The following NSF variants were observed in gnomAD, a reference collection of about 807,000 sequenced individuals.
NSF encodes the protein N-ethylmaleimide sensitive factor, vesicle fusing ATPase, also known as vesicle-fusing ATPase.
In NSF, 14 loss-of-function variants were observed where a neutral mutation model predicts 50.3. The observed-to-expected ratio is 0.28, with a 90% CI of 0.18 to 0.44. The LOEUF is 0.44. NSF is among the 20% of genes least tolerant of loss of function. NSF has a pLI of 1.00. For synonymous variants in NSF, 109 were observed against 175.7 expected (o/e 0.62, Z 3.00); for missense variants, 218 against 504.3 (o/e 0.43, Z 5.44).
chr17:46,598,605 G>T (rs950206936), intron 1 of NSF, among the ~76,000 whole-genome samples: 3 of 152,056 alleles, frequency 2.0e-5, no homozygotes, highest in African/African-American at 4.8e-5. Flanking sequence ...GTTGAAAGGG[G>T]TATGGAAAGA....
chr17:46,752,245 C>T (rs2059188191), intron 19 of NSF, among the ~76,000 whole-genome samples: 1 of 152,154 alleles, frequency 6.6e-6, no homozygotes, highest in Non-Finnish European at 1.5e-5. Context: ...GGGACTTTCT[C>T]ATATCTCCTG....
At chr17:46,676,349 C>T (rs1202760337) in intron 9 of NSF, among the ~76,000 whole-genome samples, 3 of 136,586 alleles carry the variant, frequency 2.2e-5, no homozygotes, top group Non-Finnish European at 4.6e-5. Context: ...TCTCCTGCCT[C>T]AGCCTCCCCA....
chr17:46,633,341 G>T (rs1487428249), intron 4 of NSF, among the ~76,000 whole-genome samples: 8 of 78,182 alleles, frequency 1.0e-4, no homozygotes, highest in South Asian at 7.6e-4. Flanking sequence ...TTGTTTTTTT[G>T]ACAGGGTCTC....
chr17:46,619,824 T>A (rs1187370739), intron 1 of NSF, among the ~76,000 whole-genome samples: 1 of 46,192 alleles, frequency 2.2e-5, no homozygotes, highest in Non-Finnish European at 4.0e-5. Flanking sequence ...TACATCATTA[T>A]TTAAAATCTT....
chr17:46,726,521 G>C, intron 15 of NSF, 28 bp from the exon 16 acceptor site: 1 of 1,606,284 alleles, frequency 6.2e-7, no homozygotes, highest in East Asian at 2.2e-5. Flanking sequence ...AGGACAGTGA[G>C]ATAATAAATG....
intron 17 of NSF, among the ~76,000 whole-genome samples, chr17:46,729,509 G>C (rs1473285198): frequency 1.3e-5 from 2 of 149,190 alleles, no homozygotes; most frequent in African/African-American, 5.0e-5. Context: ...ATTTTGGTAG[G>C]TTAACAAATT....
intron 19 of NSF, among the ~76,000 whole-genome samples, chr17:46,754,818 A>G (rs533783189): frequency 6.6e-6 from 1 of 152,362 alleles, no homozygotes; most frequent in East Asian, 1.9e-4. Context: ...TACTACAAAG[A>G]AGAAACTATA....
chr17:46,708,226 A>G (rs2146254943), intron 13 of NSF, among the ~76,000 whole-genome samples: 1 of 152,234 alleles, frequency 6.6e-6, no homozygotes, highest in Non-Finnish European at 1.5e-5. Flanking sequence ...GAATTGCTGG[A>G]TCATATAGTA....
At position 46,728,764 on chromosome 17, in the gene NSF, C is replaced by T. The variant is rs192098572; in HGVS notation, c.1829-91C>T. 6.4e-5 allele frequency: 55 copies of T among 857,542 alleles called. 1 individual carries two copies. The East Asian group carries it at 1.3e-3, about 20-fold the overall frequency. 53.1% of individuals were successfully genotyped at this position (857,542 alleles called of 1,614,324 possible). ...TCTGCTTATGTAGGGACTGTGTTTA[C>T]TTTTGATGCAAAAAAAAAAAACAAA... is the stretch of plus-strand genomic sequence containing the variant. On this transcript the variant is annotated intron_variant, in intron 16 of 20. Transcript: ENST00000398238.
chr17:46,738,475 G>T (rs911605390), intron 17 of NSF, among the ~76,000 whole-genome samples: 1 of 152,130 alleles, frequency 6.6e-6, no homozygotes, highest in African/African-American at 2.4e-5. Flanking sequence ...CTGAAGCAAA[G>T]TATAATAAAC....
chr17:46,733,458 T>C (rs1255672339), intron 17 of NSF, among the ~76,000 whole-genome samples: 1 of 152,214 alleles, frequency 6.6e-6, no homozygotes, highest in East Asian at 1.9e-4. Flanking sequence ...TTAAGCCTAT[T>C]AACCTCACTG....
At chr17:46,750,362 A>G (rs2059170264) in intron 18 of NSF, among the ~76,000 whole-genome samples, 1 of 152,180 alleles carries the variant, frequency 6.6e-6, no homozygotes, top group Non-Finnish European at 1.5e-5. Context: ...ACAACAAAAA[A>G]TGCCTAGGAC....
At chr17:46,725,945 G>T (rs2058885197) in intron 15 of NSF, among the ~76,000 whole-genome samples, 1 of 152,138 alleles carries the variant, frequency 6.6e-6, no homozygotes. Flanking sequence ...TCCTTGCCAG[G>T]CTAAAACCGT....
At chr17:46,755,210 G>GT in intron 19 of NSF, 104 bp from the exon 20 acceptor site, 1 of 797,442 alleles carries the variant, frequency 1.3e-6, no homozygotes, top group Admixed American at 1.9e-5. Context: ...TGACCTAGCA[G>GT]AGCATTGATG....
chr17:46,730,418 C>G (rs2058937828), intron 17 of NSF, among the ~76,000 whole-genome samples: 1 of 152,074 alleles, frequency 6.6e-6, no homozygotes, highest in Non-Finnish European at 1.5e-5. Flanking sequence ...ATACTATACA[C>G]ATTGATTTAA....
intron 15 of NSF, among the ~76,000 whole-genome samples, chr17:46,716,503 C>G (rs542977661): frequency 6.6e-6 from 1 of 152,110 alleles, no homozygotes; most frequent in African/African-American, 2.4e-5. Context: ...ATGATCCGCA[C>G]GCCTCAGCCT....
intron 5 of NSF, among the ~76,000 whole-genome samples, chr17:46,638,546 T>G (rs936796012): frequency 1.1e-4 from 6 of 54,006 alleles, no homozygotes; most frequent in African/African-American, 6.4e-4. Flanking sequence ...CCCGACTAAT[T>G]TTGTACTTTT....
In NSF at chr17:46,731,171, GTACCATTACATAC is replaced by G. The variant is rs560271241; in HGVS notation, c.1908+2241_1908+2253del. On this transcript the variant is annotated intron_variant, in intron 17 of 20. Coordinates refer to ENST00000398238, the MANE Select transcript of NSF (RefSeq NM_006178.4). Reference sequence around the variant, plus strand: ...TATTACTCAGCAATAAAAAAAAGTAGTACCATTACATACTACAACATGAATGAACTTTGAAAAC... The same window carrying G: ...TATTACTCAGCAATAAAAAAAAGTAGTACAACATGAATGAACTTTGAAAAC... 1.1e-4 allele frequency among the ~76,000 whole-genome samples: 16 copies of G among 152,096 alleles called. No homozygotes were observed. In the South Asian group the frequency reaches 3.1e-3, roughly 30 times the overall value.
intron 17 of NSF, among the ~76,000 whole-genome samples, chr17:46,736,489 T>A (rs899922909): frequency 3.9e-5 from 6 of 152,254 alleles, no homozygotes; most frequent in African/African-American, 1.4e-4. Context: ...GCCCTGGCCC[T>A]CCCTCTACTC....
Sources: allele counts gnomAD v4.1 joint callset (sites outside exome capture counted in the v4.1 genomes callset), GRCh38; gene constraint gnomAD v4.1.1; transcripts MANE v1.5; gene names NCBI Gene and HGNC (gene_info 2026-07-23, HGNC 2026-07-21).